Variants in RNF150 observed in about 807,000 individuals in gnomAD.
The protein encoded by RNF150 is ring finger protein 150.
RNF150 carries 24 observed loss-of-function variants against 39.3 expected under a neutral mutation model. That is an observed-to-expected ratio of 0.61 (90% CI 0.44 to 0.86). The LOEUF (loss-of-function observed/expected upper bound fraction) is 0.86. Among genes scored for constraint, RNF150 ranks in the 40% least tolerant of loss-of-function variants. The pLI is 0.00. For synonymous variants in RNF150, 255 were observed against 227.3 expected (o/e 1.12, Z -1.10); for missense variants, 502 against 587.8 (o/e 0.85, Z 1.51).
At chr4:140,907,235 T>C (rs1730415834) in intron 6 of RNF150, among the ~76,000 whole-genome samples, 4 of 152,206 alleles carry the variant, frequency 2.6e-5, no homozygotes, top group Admixed American at 2.6e-4. Context: ...GTGTGGGCAT[T>C]CATACAAATG....
chr4:141,114,994 A>G (rs1739504442), intron 1 of RNF150, among the ~76,000 whole-genome samples: 1 of 152,208 alleles, frequency 6.6e-6, no homozygotes, highest in Admixed American at 6.5e-5. Flanking sequence ...AACATATCTC[A>G]AAATAATAAG....
At position 141,012,864 on chromosome 4, in the gene RNF150, G is replaced by A. The variant is rs909537384; in HGVS notation, c.485-44991C>T. On this transcript the variant is annotated intron_variant, in intron 1 of 6. Coordinates refer to ENST00000515673, the MANE Select transcript of RNF150 (RefSeq NM_020724.2). ...CCTTCAATTGCCAATATGCTTCCTG[G>A]AGAGAGCAGGTGTAAGAAAGGGAAG... is the stretch of plus-strand genomic sequence containing the variant. 4.7e-5 allele frequency among the ~76,000 whole-genome samples: 7 copies of A among 150,208 alleles called. 1 individual carries two copies. In the South Asian group the frequency reaches 6.4e-4, roughly 14 times the overall value.
In RNF150 at chr4:141,016,003, T is replaced by C. The variant is rs112797210; in HGVS notation, c.485-48130A>G. On this transcript the variant is annotated intron_variant, in intron 1 of 6. Coordinates refer to ENST00000515673, the MANE Select transcript of RNF150 (RefSeq NM_020724.2). ...ATTGCTGATAACACTCTCCACGTCC[T>C]GAATTCTAAATTCCACTCTCCTTGC... 4.6e-3 allele frequency among the ~76,000 whole-genome samples: 699 copies of C among 152,282 alleles called. 5 individuals are homozygous for C. The highest frequency in any genetic ancestry group is 0.016 in the African/African-American group (673 of 41,558).
chr4:141,111,075 A>C (rs1578740821), intron 1 of RNF150, among the ~76,000 whole-genome samples: 1 of 152,300 alleles, frequency 6.6e-6, no homozygotes, highest in Admixed American at 6.5e-5. Flanking sequence ...CAGGAATTAC[A>C]CAGCCCTCAC....
At chr4:141,092,447 T>A (rs1449483587) in intron 1 of RNF150, among the ~76,000 whole-genome samples, 3 of 152,236 alleles carry the variant, frequency 2.0e-5, no homozygotes, top group African/African-American at 7.2e-5. Context: ...ATTCATCACC[T>A]TTTTTAAAAA....
chr4:140,989,477 T>C (rs1734122340), intron 1 of RNF150, among the ~76,000 whole-genome samples: 2 of 152,042 alleles, frequency 1.3e-5, no homozygotes, highest in African/African-American at 4.8e-5. Context: ...AACTGAGGCC[T>C]AGAGACTCAC....
intron 1 of RNF150, among the ~76,000 whole-genome samples, chr4:141,029,337 A>G (rs1164899868): frequency 4.6e-5 from 7 of 152,174 alleles, no homozygotes; most frequent in Non-Finnish European, 8.8e-5. Flanking sequence ...TTTTTCAAGA[A>G]TCATGGGAAA....
chr4:141,015,480 T>A (rs1353909747), intron 1 of RNF150, among the ~76,000 whole-genome samples: 1 of 152,214 alleles, frequency 6.6e-6, no homozygotes, highest in African/African-American at 2.4e-5. Flanking sequence ...TCTTCTTGGT[T>A]AAATTTATAC....
intron 2 of RNF150, among the ~76,000 whole-genome samples, chr4:140,958,706 G>C (rs544049989): frequency 1.3e-5 from 2 of 152,126 alleles, no homozygotes; most frequent in East Asian, 3.9e-4. Context: ...GGGTTCTCAG[G>C]GCTGAGTTGA....
At chr4:141,164,339 G>A (rs1727565116) in intron 1 of RNF150, among the ~76,000 whole-genome samples, 2 of 152,044 alleles carry the variant, frequency 1.3e-5, no homozygotes, top group Admixed American at 6.5e-5. Context: ...CTGGTATATG[G>A]AAAGTGACAG....
At chr4:141,065,313 G>C (rs1202303131) in intron 1 of RNF150, among the ~76,000 whole-genome samples, 1 of 152,130 alleles carries the variant, frequency 6.6e-6, no homozygotes, top group Non-Finnish European at 1.5e-5. Context: ...TGAGAGGCAG[G>C]GATAGGGAAG....
chr4:141,159,383 G>T (rs181243010), intron 1 of RNF150, among the ~76,000 whole-genome samples: 121 of 152,120 alleles, frequency 8.0e-4, no homozygotes, highest in African/African-American at 2.8e-3. Context: ...TTCTCCTTTT[G>T]CTTTTCCCCA....
chr4:140,889,565 A>T (rs1044058469), intron 6 of RNF150, among the ~76,000 whole-genome samples: 11 of 152,198 alleles, frequency 7.2e-5, no homozygotes, highest in Non-Finnish European at 1.5e-4. Flanking sequence ...TGCTACTCTG[A>T]AGCAGAATTT....
At chr4:141,167,378 A>G (rs544212126) in intron 1 of RNF150, among the ~76,000 whole-genome samples, 1 of 152,294 alleles carries the variant, frequency 6.6e-6, no homozygotes, top group South Asian at 2.1e-4. Flanking sequence ...GCCCAGAGTA[A>G]TTTATAGACT....
intron 1 of RNF150, among the ~76,000 whole-genome samples, chr4:141,140,123 A>T (rs1727094144): frequency 6.6e-6 from 1 of 152,184 alleles, no homozygotes; most frequent in South Asian, 2.1e-4. Flanking sequence ...AGCTTCTGCT[A>T]CAAGTACTGC....
chr4:140,910,295 C>T (rs1279284372), intron 6 of RNF150, among the ~76,000 whole-genome samples: 2 of 152,136 alleles, frequency 1.3e-5, no homozygotes, highest in South Asian at 4.1e-4. Context: ...AAGAAAGACA[C>T]TTCGTATAAA....
intron 1 of RNF150, among the ~76,000 whole-genome samples, chr4:141,122,405 C>T (rs781356385): frequency 2.6e-5 from 4 of 152,362 alleles, no homozygotes; most frequent in Non-Finnish European, 2.9e-5. Context: ...GCAGCAGCAC[C>T]GCCAATATCC....
chr4:140,952,273 A>G (rs757961502), intron 2 of RNF150, among the ~76,000 whole-genome samples: 2 of 152,100 alleles, frequency 1.3e-5, no homozygotes, highest in Non-Finnish European at 2.9e-5. Context: ...CATCCTCCCA[A>G]AGTGCTGGGA....
intron 1 of RNF150, among the ~76,000 whole-genome samples, chr4:141,113,949 C>A (rs1199913524): frequency 6.6e-6 from 1 of 152,094 alleles, no homozygotes; most frequent in Non-Finnish European, 1.5e-5. Context: ...CAAATAACTT[C>A]TTCGAAACCA....
Sources: gnomAD v4.1 joint callset for allele counts (sites outside exome capture counted in the v4.1 genomes callset) on GRCh38, gnomAD v4.1.1 for gene constraint, MANE v1.5 for transcripts, NCBI Gene and HGNC (gene_info 2026-07-23, HGNC 2026-07-21) for gene names.